Variants in TMEM117 observed in about 807,000 individuals in gnomAD.
The protein encoded by TMEM117 is transmembrane protein 117.
Under a neutral mutation model 52.4 loss-of-function variants are expected in TMEM117, and 27 were observed. The observed-to-expected ratio is 0.51, with a 90% CI of 0.38 to 0.71. The LOEUF is 0.71. TMEM117 is among the 30% of genes least tolerant of loss of function. TMEM117 has a pLI of 0.00. For missense variants in TMEM117, 556 were observed against 630.5 expected (o/e 0.88, Z 1.26); for synonymous variants, 215 against 206.3 (o/e 1.04, Z -0.36).
chr12:44,125,963 C>A (rs78100796), intron 3 of TMEM117, among the ~76,000 whole-genome samples: 1,526 of 152,196 alleles, frequency 0.01, 10 homozygotes, highest in African/African-American at 0.016. Flanking sequence ...AGCTTAATTT[C>A]ATTATTTACC....
intron 5 of TMEM117, among the ~76,000 whole-genome samples, chr12:44,221,441 T>G (rs982705615): frequency 4.6e-5 from 7 of 152,160 alleles, no homozygotes; most frequent in African/African-American, 1.7e-4. Flanking sequence ...TATGGACTAT[T>G]TCTTTACTGA....
rs1946248667 is a variant in TMEM117, at chr12:44,009,089, A to T, written c.410+64747A>T. The T allele has an allele frequency of 2.2e-5, 8 of 357,722 alleles. No homozygotes were observed. The Admixed American group carries it at 3.0e-4, about 13-fold the overall frequency. The allele number at this position is 357,722 out of a possible 1,614,324, so 22.2% of individuals were successfully genotyped here. A position where few individuals can be genotyped will look rare whatever the true frequency, so the allele number is the denominator to read the frequency against. On this transcript the variant is annotated intron_variant, in intron 3 of 7. Coordinates refer to ENST00000266534, the MANE Select transcript of TMEM117 (RefSeq NM_032256.3). Reference sequence around the variant, plus strand: ...TCTCTCCTGTGTGGTGTTTCCCATGAAGACACATAAGTTTTGGAAGCTCTT... The same window carrying T: ...TCTCTCCTGTGTGGTGTTTCCCATGTAGACACATAAGTTTTGGAAGCTCTT...
chr12:44,165,659 T>G (rs1171894828), intron 4 of TMEM117, among the ~76,000 whole-genome samples: 2 of 152,178 alleles, frequency 1.3e-5, no homozygotes, highest in African/African-American at 4.8e-5. Flanking sequence ...AGGGGTCAAT[T>G]GAGCAAGAGG....
intron 2 of TMEM117, among the ~76,000 whole-genome samples, chr12:43,940,274 A>G (rs1366195063): frequency 5.9e-5 from 9 of 152,208 alleles, no homozygotes; most frequent in Admixed American, 5.9e-4. Flanking sequence ...TCCTACCTAG[A>G]AACACAAACA....
intron 2 of TMEM117, among the ~76,000 whole-genome samples, chr12:43,847,332 G>A (rs1943227347): frequency 6.6e-6 from 1 of 152,086 alleles, no homozygotes; most frequent in Non-Finnish European, 1.5e-5. Flanking sequence ...ACTATATTAG[G>A]TATTTTTGAG....
chr12:44,026,074 T>C (rs1946529174), intron 3 of TMEM117, among the ~76,000 whole-genome samples: 1 of 152,228 alleles, frequency 6.6e-6, no homozygotes, highest in African/African-American at 2.4e-5. Context: ...GACTGGTTTG[T>C]GGCTATAGCA....
chr12:44,245,767 T>C (rs562708658), intron 5 of TMEM117, among the ~76,000 whole-genome samples: 1 of 152,156 alleles, frequency 6.6e-6, no homozygotes, highest in African/African-American at 2.4e-5. Flanking sequence ...TATAGTAAGA[T>C]GACTAAAGAG....
chr12:44,046,175 C>T (rs1946878417), intron 3 of TMEM117, among the ~76,000 whole-genome samples: 1 of 152,152 alleles, frequency 6.6e-6, no homozygotes, highest in Non-Finnish European at 1.5e-5. Flanking sequence ...AATTTTTGCT[C>T]CCTGTTCAAG....
Position 44,265,836 on chromosome 12 carries a change from A to G in TMEM117, c.609-33744A>G, listed in dbSNP as rs142558290. Among the ~76,000 whole-genome samples, 294 of 152,294 alleles carry G rather than the reference A, an allele frequency of 1.9e-3. 7 individuals carry two copies. In the East Asian group the frequency reaches 0.035, roughly 18 times the overall value. On this transcript the variant is annotated intron_variant, in intron 5 of 7. Transcript: ENST00000266534. Reference sequence around the variant, plus strand: ...TTTACCTATTCTGGATATTTCGATAAATAGAATAATACACTATGTGGTATT... The same window carrying G: ...TTTACCTATTCTGGATATTTCGATAGATAGAATAATACACTATGTGGTATT...
chr12:44,107,098 A>G (rs548667915), intron 3 of TMEM117, among the ~76,000 whole-genome samples: 1 of 152,242 alleles, frequency 6.6e-6, no homozygotes, highest in East Asian at 1.9e-4. Context: ...AGTAGAGGTC[A>G]GGCACAAAGT....
At chr12:44,375,633 G>C (rs1434554793) in intron 6 of TMEM117, among the ~76,000 whole-genome samples, 1 of 152,090 alleles carries the variant, frequency 6.6e-6, no homozygotes, top group African/African-American at 2.4e-5. Context: ...TGATGTAATA[G>C]ATCAAAATCT....
chr12:44,346,516 C>G (rs1951489416), intron 6 of TMEM117, among the ~76,000 whole-genome samples: 1 of 152,116 alleles, frequency 6.6e-6, no homozygotes, highest in Non-Finnish European at 1.5e-5. Flanking sequence ...CATTCTCACC[C>G]TCTTTTTCCT....
At chr12:44,048,157 C>A (rs570320498) in intron 3 of TMEM117, among the ~76,000 whole-genome samples, 13 of 152,208 alleles carry the variant, frequency 8.5e-5, no homozygotes, top group Non-Finnish European at 1.6e-4. Flanking sequence ...CCTTATCACA[C>A]GTTACAGTAC....
In TMEM117 at chr12:44,179,692, C is replaced by T. The variant is rs929078655; in HGVS notation, c.511-31598C>T. On this transcript the variant is annotated intron_variant, in intron 4 of 7. Coordinates refer to ENST00000266534, the MANE Select transcript of TMEM117 (RefSeq NM_032256.3). ...AGCCAATCTCACCTGGCAGTACCCTCGCAGACACACCCAGGAACAACGCTT... is the reference window on the plus strand; with the variant it reads ...AGCCAATCTCACCTGGCAGTACCCTTGCAGACACACCCAGGAACAACGCTT... Among the ~76,000 whole-genome samples the T allele has an allele frequency of 3.3e-5, 5 of 152,202 alleles. No homozygotes were observed. The East Asian group carries it at 9.6e-4, about 29-fold the overall frequency.
chr12:43,929,427 A>G lies in TMEM117; in HGVS notation c.278-14783A>G, dbSNP rs184731645. Among the ~76,000 whole-genome samples the G allele has an allele frequency of 9.2e-5, 14 of 152,256 alleles. No individual in the cohort carries two copies. In the East Asian group the frequency reaches 2.7e-3, roughly 29 times the overall value. ...CTACCTTTAATTAATATTGCCAACA[A>G]TTTCCAAGAACCTTATAGCACTTAA... On this transcript the variant is annotated intron_variant, in intron 2 of 7. Transcript: ENST00000266534.
At chr12:43,806,355 C>A in the TMEM117 span, 1 of 1,251,566 alleles carries the variant, frequency 8.0e-7, no homozygotes, top group South Asian at 2.8e-5. Flanking sequence ...CATCCGCCCG[C>A]GACCCGCGGC....
intron 3 of TMEM117, among the ~76,000 whole-genome samples, chr12:43,961,348 G>A (rs2137663982): frequency 6.6e-6 from 1 of 152,222 alleles, no homozygotes; most frequent in South Asian, 2.1e-4. Flanking sequence ...ACGTTATCAT[G>A]CAATTGTAAT....
intron 4 of TMEM117, among the ~76,000 whole-genome samples, chr12:44,202,005 CTT>C (rs112462880): frequency 0.012 from 1,879 of 151,540 alleles, 32 homozygotes; most frequent in East Asian, 0.057. Context: ...TATATATCAT[CTT>C]TATATATCAA....
In TMEM117 at chr12:44,370,263, A is replaced by G. The variant is rs1951844349; in HGVS notation, c.769-6332A>G. On this transcript the variant is annotated intron_variant, in intron 6 of 7. Coordinates refer to ENST00000266534, the MANE Select transcript of TMEM117 (RefSeq NM_032256.3). ...TCTCACAATATTTACAATGACTTCCACTCTCTCTAATTGTCCACTCCTTTC... is the reference window on the plus strand; with the variant it reads ...TCTCACAATATTTACAATGACTTCCGCTCTCTCTAATTGTCCACTCCTTTC... Among the ~76,000 whole-genome samples the G allele has an allele frequency of 6.6e-5, 10 of 151,654 alleles. 1 individual carries two copies. The highest frequency in any genetic ancestry group is 6.6e-4 in the Admixed American group (10 of 15,220).
Sources: gnomAD v4.1 joint callset for allele counts (sites outside exome capture counted in the v4.1 genomes callset) on GRCh38, gnomAD v4.1.1 for gene constraint, MANE v1.5 for transcripts, NCBI Gene and HGNC (gene_info 2026-07-23, HGNC 2026-07-21) for gene names.